OGFOD1: variants seen among roughly 807,000 people sequenced by gnomAD.
The protein encoded by OGFOD1 is prolyl 3-hydroxylase OGFOD1.
In OGFOD1, 54 loss-of-function variants were observed where a neutral mutation model predicts 67.7. The ratio of observed to expected loss-of-function variants is 0.80; its 90% CI spans 0.64 to 1.00. OGFOD1 has a LOEUF of 1.00. Ranked by LOEUF, OGFOD1 falls within the 50% of genes least tolerant of loss-of-function variation. The pLI, the probability that OGFOD1 is intolerant of heterozygous loss-of-function variation, is 0.00. For synonymous variants in OGFOD1, 221 were observed against 227.0 expected (o/e 0.97, Z 0.24); for missense variants, 606 against 646.7 (o/e 0.94, Z 0.68).
intron 10 of OGFOD1, 102 bp downstream of exon 10, chr16:56,470,893 G>A (rs1261784935): frequency 1.6e-6 from 2 of 1,235,058 alleles, no homozygotes; most frequent in Non-Finnish European, 1.1e-6. Flanking sequence ...TGTGCCCTAA[G>A]CCCTATTTCA....
Position 56,477,340 on chromosome 16 carries a change from C to G in OGFOD1, c.*1135C>G, listed in dbSNP as rs1342779720. 1 of 152,108 alleles carries G rather than the reference C, an allele frequency of 6.6e-6. No homozygotes were observed. The highest frequency in any genetic ancestry group is 1.5e-5 in the Non-Finnish European group (1 of 68,026). 9.4% of individuals were successfully genotyped at this position (152,108 alleles called of 1,614,324 possible). A position where few individuals can be genotyped will look rare whatever the true frequency, so the allele number is the denominator to read the frequency against. Reference sequence around the variant, plus strand: ...TGTAGGCTTAGTGTAGTATTATTCCCTTGGAAAGGGTCTGGCCTACCATCA... The same window carrying G: ...TGTAGGCTTAGTGTAGTATTATTCCGTTGGAAAGGGTCTGGCCTACCATCA... On this transcript the variant is annotated 3_prime_UTR_variant, in exon 13 of 13. Transcript: ENST00000566157.
chr16:56,467,916 G>A lies in OGFOD1; in HGVS notation c.798G>A (p.Leu266=). The stretch of plus-strand genomic sequence containing the variant: ...TGCCTCTTCGTAAGCATGAGATTTT[G>A]TATGATTGGATCAACCCTACTTATC... ...SPHIPQDHEI[L]YDWINPTYLD... Residue 266 remains leucine, a synonymous_variant, in exon 8 of 13, where the codon TTG becomes TTA. Transcript: ENST00000566157. The A allele has an allele frequency of 1.3e-6, 2 of 1,573,618 alleles. No homozygotes were observed. The highest frequency in any genetic ancestry group is 1.7e-6 in the Non-Finnish European group (2 of 1,143,086).
At chr16:56,458,635 AG>A in intron 3 of OGFOD1, 41 bp downstream of exon 3, 2 of 1,496,800 alleles carry the variant, frequency 1.3e-6, no homozygotes, top group Non-Finnish European at 1.9e-6. Context: ...AATATGTGCC[AG>A]GCAGAGTAGT....
chr16:56,462,115 G>T (rs138130794), intron 3 of OGFOD1, among the ~76,000 whole-genome samples: 2,566 of 151,198 alleles, frequency 0.017, 65 homozygotes, highest in Admixed American at 0.065. Flanking sequence ...AGAAAGAAAA[G>T]AAAAGAAAAA....
intron 9 of OGFOD1, 61 bp from the exon 10 acceptor site, chr16:56,470,426 A>G: frequency 2.8e-6 from 4 of 1,449,518 alleles, no homozygotes; most frequent in Non-Finnish European, 2.8e-6. Context: ...ATCAGCTTTT[A>G]TTCTGTGAGT....
In OGFOD1 at chr16:56,472,201, C is replaced by G. The variant is rs1277846749; in HGVS notation, c.1285+1410C>G. Among the ~76,000 whole-genome samples the G allele has an allele frequency of 2.0e-5, 3 of 151,878 alleles. No individual in the cohort carries two copies. The East Asian group carries it at 5.8e-4, about 29-fold the overall frequency. On this transcript the variant is annotated intron_variant, in intron 10 of 12. Coordinates refer to ENST00000566157, the MANE Select transcript of OGFOD1 (RefSeq NM_018233.4). ...CCCAGGCTGGTCTCAAACCCCTAGG[C>G]TCAAGTAATCCTCCTACCTTGTCCT...
chr16:56,470,398 A>AAAT (rs1963110199), intron 9 of OGFOD1, 89 bp from the exon 10 acceptor site: 1 of 1,188,508 alleles, frequency 8.4e-7, no homozygotes, highest in East Asian at 2.3e-5. Flanking sequence ...ATTTAGGAAG[A>AAAT]GAGGTACAAA....
chr16:56,469,955 G>C, intron 8 of OGFOD1, 48 bp from the exon 9 acceptor site: 1 of 1,531,592 alleles, frequency 6.5e-7, no homozygotes, highest in Non-Finnish European at 9.0e-7. Context: ...ACCAGTGCGG[G>C]GTAATAGGGA....
chr16:56,458,508 T>G, intron 2 of OGFOD1, 40 bp from the exon 3 acceptor site: 1 of 1,582,776 alleles, frequency 6.3e-7, no homozygotes, highest in Non-Finnish European at 8.7e-7. Flanking sequence ...GTCTCTTATG[T>G]GAAGGAAATC....
At chr16:56,463,960 A>T (rs1350124382) in intron 4 of OGFOD1, among the ~76,000 whole-genome samples, 2 of 152,116 alleles carry the variant, frequency 1.3e-5, no homozygotes, top group African/African-American at 2.4e-5. Flanking sequence ...TCTAATCCTC[A>T]GGCTCCATTC....
At position 56,466,897 on chromosome 16, in the gene OGFOD1, T is replaced by C. The variant is rs767079592; in HGVS notation, c.587T>C (p.Ile196Thr). The C allele has an allele frequency of 2.5e-5, 40 of 1,613,588 alleles. No individual in the cohort carries two copies. The highest frequency in any genetic ancestry group is 6.7e-5 in the African/African-American group (5 of 74,910). ...GCAGAACACTTTCAGCCGAAGCAGA[T>C]TGTCAAGTCTCTTATCCCTTCGTGG... ...SIDEHFQPKQIVKSLIPSWNK... is the reference protein window; with the variant it reads ...SIDEHFQPKQTVKSLIPSWNK... The change falls in exon 6 of 13, where the codon ATT (isoleucine) becomes ACT (threonine). Residue 196 changes from isoleucine to threonine, a missense_variant. Physicochemically the swap from Ile to Thr is moderately conservative, Grantham distance 89. Transcript: ENST00000566157.
At chr16:56,454,398 A>G (rs1371999869) in intron 2 of OGFOD1, among the ~76,000 whole-genome samples, 1 of 151,586 alleles carries the variant, frequency 6.6e-6, no homozygotes, top group Admixed American at 6.6e-5. Flanking sequence ...GTGACTTGCT[A>G]TATTACAGTA....
chr16:56,456,201 T>C (rs561141906), intron 2 of OGFOD1, among the ~76,000 whole-genome samples: 1 of 152,326 alleles, frequency 6.6e-6, no homozygotes, highest in East Asian at 1.9e-4. Context: ...TTTTTCACTT[T>C]ACTTTCAGGT....
At chr16:56,471,440 G>A (rs1963181013) in intron 10 of OGFOD1, among the ~76,000 whole-genome samples, 1 of 151,960 alleles carries the variant, frequency 6.6e-6, no homozygotes, top group East Asian at 1.9e-4. Context: ...TCTGAGGAGC[G>A]CCATTTAAGC....
At chr16:56,474,640 C>A (rs1417664865) in intron 10 of OGFOD1, among the ~76,000 whole-genome samples, 188 bp from the exon 11 acceptor site, 1 of 151,998 alleles carries the variant, frequency 6.6e-6, no homozygotes, top group African/African-American at 2.4e-5. Flanking sequence ...CTTTTTTACC[C>A]CAAAATAGAG....
rs1963555224 is a variant in OGFOD1 at position 56,478,072 on chromosome 16, AAAAG to A, written c.*1871_*1874del. 6.6e-6 allele frequency: 1 copy of A among 152,198 alleles called. No individual in the cohort carries two copies. Among genetic ancestry groups the A allele is most frequent in the Non-Finnish European group, 1.5e-5 (1 of 68,036 alleles). The allele number at this position is 152,198 out of a possible 1,614,324, so 9.4% of individuals were successfully genotyped here. On this transcript the variant is annotated 3_prime_UTR_variant, in exon 13 of 13. Transcript: ENST00000566157. Reference sequence around the variant, plus strand: ...ACACTAATTTTTAAATGATGAGATAAAAAGAAATATCTAGAACTAGTTCTAACAT... The same window carrying A: ...ACACTAATTTTTAAATGATGAGATAAAAATATCTAGAACTAGTTCTAACAT...
intron 12 of OGFOD1, 95 bp from the exon 13 acceptor site, chr16:56,475,949 T>A (rs1457930888): frequency 8.7e-7 from 1 of 1,145,246 alleles, no homozygotes; most frequent in Admixed American, 2.3e-5. Context: ...CCAGATTAAG[T>A]GCTTGATATG....
In OGFOD1 at chr16:56,468,249, AAC is replaced by A. The variant is rs369185879; in HGVS notation, c.900+247_900+248del. Among the ~76,000 whole-genome samples, 4 of 151,666 alleles carry A rather than the reference AAC, an allele frequency of 2.6e-5. No homozygotes were observed. In the South Asian group the frequency reaches 6.2e-4, roughly 24 times the overall value. On this transcript the variant is annotated intron_variant, in intron 8 of 12. Coordinates refer to ENST00000566157, the MANE Select transcript of OGFOD1 (RefSeq NM_018233.4). Reference sequence around the variant, plus strand: ...TATTCCCCAGTTCTCTAGAGTCTTAAACACACACACACACACAAGCTTCCACC... The same window carrying A: ...TATTCCCCAGTTCTCTAGAGTCTTAAACACACACACACACAAGCTTCCACC...
intron 3 of OGFOD1, among the ~76,000 whole-genome samples, chr16:56,459,812 A>C (rs1567546907): frequency 6.6e-6 from 1 of 152,206 alleles, no homozygotes; most frequent in Admixed American, 6.5e-5. Context: ...CTACATTTGG[A>C]TGTCTGTGTG....
Sources: gnomAD v4.1 joint callset for allele counts (sites outside exome capture counted in the v4.1 genomes callset) on GRCh38, gnomAD v4.1.1 for gene constraint, MANE v1.5 for transcripts, NCBI Gene and HGNC (gene_info 2026-07-23, HGNC 2026-07-21) for gene names.